The following RBFOX1 variants were observed in gnomAD, a reference collection of about 807,000 sequenced individuals.
RBFOX1 encodes RNA binding protein fox-1 homolog 1.
A neutral mutation model predicts 57.7 loss-of-function variants in RBFOX1; 8 were observed. The ratio of observed to expected loss-of-function variants is 0.14; its 90% CI spans 0.08 to 0.25. RBFOX1 has a LOEUF of 0.25. RBFOX1 is among the 10% of genes least tolerant of loss of function. RBFOX1 has a pLI of 1.00. For synonymous variants in RBFOX1, 326 were observed against 222.4 expected (o/e 1.47, Z -4.15); for missense variants, 611 against 548.5 (o/e 1.11, Z -1.14).
At chr16:6,449,659 C>T (rs2094551525) in intron 2 of RBFOX1, among the ~76,000 whole-genome samples, 1 of 152,192 alleles carries the variant, frequency 6.6e-6, no homozygotes, top group Admixed American at 6.5e-5. Flanking sequence ...TGTTTAGCGT[C>T]AACACTGGGG....
intron 2 of RBFOX1, among the ~76,000 whole-genome samples, chr16:5,587,460 C>A (rs1337165859): frequency 6.6e-6 from 1 of 152,236 alleles, no homozygotes; most frequent in Non-Finnish European, 1.5e-5. Flanking sequence ...CGCCTGTCAT[C>A]CCAGCACTTT....
intron 2 of RBFOX1, among the ~76,000 whole-genome samples, chr16:6,383,724 C>T (rs951050856): frequency 2.6e-5 from 4 of 151,700 alleles, no homozygotes; most frequent in African/African-American, 7.3e-5. Context: ...GAGCCAACAT[C>T]GCACCACTGC....
At chr16:6,503,783 A>G (rs1228626403) in intron 2 of RBFOX1, among the ~76,000 whole-genome samples, 1 of 152,174 alleles carries the variant, frequency 6.6e-6, no homozygotes, top group African/African-American at 2.4e-5. Flanking sequence ...CTCGCGATGG[A>G]GGAAGCTTCA....
chr16:7,274,596 G>A (rs1161077198), intron 4 of RBFOX1, among the ~76,000 whole-genome samples: 5 of 152,046 alleles, frequency 3.3e-5, no homozygotes, highest in South Asian at 4.2e-4. Flanking sequence ...GTCTACTTAT[G>A]GGCCACGTTT....
Position 6,978,252 on chromosome 16 carries a change from C to T in RBFOX1, c.-15-73805C>T, listed in dbSNP as rs549715437. On this transcript the variant is annotated intron_variant, in intron 3 of 15. Transcript: ENST00000550418. ...AAAACAAGTTTCTAGCCTTGGAGAG[C>T]GTGGCTTTGTACTTGATAGATGTTC... is the stretch of plus-strand genomic sequence containing the variant. Among the ~76,000 whole-genome samples the T allele has an allele frequency of 2.0e-5, 3 of 152,234 alleles. No individual in the cohort carries two copies. In the South Asian group the frequency reaches 6.2e-4, roughly 32 times the overall value.
At chr16:5,629,578 T>G (rs544475425) in intron 3 of RBFOX1, among the ~76,000 whole-genome samples, 129 of 152,314 alleles carry the variant, frequency 8.5e-4, no homozygotes, top group African/African-American at 3.1e-3. Flanking sequence ...AGAAGCTGCT[T>G]TAGCTTAGGA....
chr16:5,891,374 A>G (rs1352176626), intron 4 of RBFOX1, among the ~76,000 whole-genome samples: 1 of 152,162 alleles, frequency 6.6e-6, no homozygotes, highest in African/African-American at 2.4e-5. Flanking sequence ...TTCTTTCCCC[A>G]AAACAAGCGC....
chr16:5,246,916 C>T (rs910670021), intron 1 of RBFOX1, among the ~76,000 whole-genome samples: 11 of 152,140 alleles, frequency 7.2e-5, no homozygotes, highest in Non-Finnish European at 1.2e-4. Flanking sequence ...AGCAATCTGC[C>T]GGCCTCAGCC....
intron 4 of RBFOX1, among the ~76,000 whole-genome samples, chr16:7,476,749 A>T (rs1261198366): frequency 6.6e-6 from 1 of 152,164 alleles, no homozygotes; most frequent in Non-Finnish European, 1.5e-5. Flanking sequence ...GCAAATCTGT[A>T]CCACGAGACA....
At chr16:6,550,654 C>G (rs1201821572) in intron 2 of RBFOX1, among the ~76,000 whole-genome samples, 1 of 152,188 alleles carries the variant, frequency 6.6e-6, no homozygotes. Flanking sequence ...TTCTTTCCTT[C>G]TTCATGAGCT....
At chr16:5,412,933 C>T (rs938453501) in intron 1 of RBFOX1, among the ~76,000 whole-genome samples, 1 of 152,220 alleles carries the variant, frequency 6.6e-6, no homozygotes, top group Non-Finnish European at 1.5e-5. Context: ...GCTGCATGAG[C>T]GTTACGGTTG....
exon 2 of RBFOX1, chr16:5,467,252 C>G (rs1423050600): frequency 6.7e-7 from 1 of 1,493,192 alleles, no homozygotes; most frequent in Non-Finnish European, 9.0e-7. Context: ...GGTTGAGGGT[C>G]AGGTAAGTGC....
chr16:7,701,121 G>C lies in RBFOX1; in HGVS notation c.996-7935G>C, dbSNP rs73498743. On this transcript the variant is annotated intron_variant, in intron 14 of 15. Coordinates refer to ENST00000550418, the MANE Select transcript of RBFOX1 (RefSeq NM_018723.4). Reference sequence around the variant, plus strand: ...TGCTAAGTGATTTCTGAAGTTAAGCGCTTTAAAGACAAGCTAAGGAAGTCA... The same window carrying C: ...TGCTAAGTGATTTCTGAAGTTAAGCCCTTTAAAGACAAGCTAAGGAAGTCA... Among the ~76,000 whole-genome samples, 8 of 150,266 alleles carry C rather than the reference G, an allele frequency of 5.3e-5. No individual in the cohort carries two copies. The East Asian group carries it at 9.7e-4, about 18-fold the overall frequency.
intron 14 of RBFOX1, among the ~76,000 whole-genome samples, chr16:7,705,454 A>G (rs903287677): frequency 6.6e-6 from 1 of 151,698 alleles, no homozygotes; most frequent in Non-Finnish European, 1.5e-5. Flanking sequence ...GCAGTGAGCC[A>G]AGATTGTGCC....
intron 2 of RBFOX1, among the ~76,000 whole-genome samples, chr16:6,356,953 G>C (rs1259513593): frequency 1.3e-5 from 2 of 152,112 alleles, no homozygotes; most frequent in Non-Finnish European, 2.9e-5. Context: ...AAAAGCCACA[G>C]GCAATCACTC....
intron 3 of RBFOX1, among the ~76,000 whole-genome samples, chr16:6,675,192 C>G (rs1022306884): frequency 2.0e-5 from 3 of 152,202 alleles, no homozygotes; most frequent in Non-Finnish European, 1.5e-5. Context: ...GCATAAGCCA[C>G]TGCGCCCGGC....
At chr16:5,564,441 T>C (rs1331198616) in intron 2 of RBFOX1, among the ~76,000 whole-genome samples, 1 of 152,202 alleles carries the variant, frequency 6.6e-6, no homozygotes, top group Non-Finnish European at 1.5e-5. Flanking sequence ...TCTTCTTGGA[T>C]TATCTCTTTC....
intron 2 of RBFOX1, among the ~76,000 whole-genome samples, chr16:5,505,002 C>G (rs1005930361): frequency 6.6e-6 from 1 of 152,254 alleles, no homozygotes; most frequent in Admixed American, 6.5e-5. Flanking sequence ...GTGCAGGTTT[C>G]TTTGAGGAGT....
chr16:6,396,790 C>T (rs79006273), intron 2 of RBFOX1, among the ~76,000 whole-genome samples: 174 of 151,704 alleles, frequency 1.1e-3, no homozygotes, highest in Non-Finnish European at 2.1e-3. Context: ...GCAGTTAACC[C>T]TGACATAAAA....
Sources: gnomAD v4.1 joint callset for allele counts (sites outside exome capture counted in the v4.1 genomes callset) on GRCh38, gnomAD v4.1.1 for gene constraint, MANE v1.5 for transcripts, NCBI Gene and HGNC (gene_info 2026-07-23, HGNC 2026-07-21) for gene names.